Variants in NIPBL observed in about 807,000 individuals in gnomAD.
NIPBL encodes NIPBL cohesin loading factor, also known as nipped-B-like protein.
In NIPBL, 19 loss-of-function variants were observed where a neutral mutation model predicts 321.8. That is an observed-to-expected ratio of 0.06 (90% CI 0.04 to 0.09). The LOEUF (loss-of-function observed/expected upper bound fraction) is 0.09, where lower values mean the gene tolerates loss of function less well. Among genes scored for constraint, NIPBL ranks in the 10% least tolerant of loss-of-function variants. The pLI, the probability that NIPBL is intolerant of heterozygous loss-of-function variation, is 1.00. For synonymous variants in NIPBL, 1,106 were observed against 1,114.1 expected, an observed-to-expected ratio of 0.99 and a Z score of 0.14; for missense variants, 2,210 against 3,327.0, an observed-to-expected ratio of 0.66 and a Z score of 8.26.
chr5:36,984,061 CACACTTTTA>C (rs1357740487), intron 9 of NIPBL, among the ~76,000 whole-genome samples: 1 of 147,042 alleles, frequency 6.8e-6, no homozygotes, highest in African/African-American at 2.4e-5. Flanking sequence ...AAACTCCTTT[CACACTTTTA>C]ACACTTCAAA....
At chr5:36,974,821 A>T (rs1402031297) in intron 8 of NIPBL, among the ~76,000 whole-genome samples, 1 of 152,090 alleles carries the variant, frequency 6.6e-6, no homozygotes, top group Non-Finnish European at 1.5e-5. Context: ...TTCTGTCTGT[A>T]AAAAAACTTT....
At chr5:36,958,326 C>T (rs1271301691) in intron 4 of NIPBL, 95 bp downstream of exon 4, 12 of 1,214,108 alleles carry the variant, frequency 9.9e-6, no homozygotes, top group East Asian at 2.5e-5. Flanking sequence ...ATCAGGAATG[C>T]GATGTTTATG....
At chr5:37,044,522 G>A in intron 35 of NIPBL, 35 bp downstream of exon 35, 1 of 1,607,516 alleles carries the variant, frequency 6.2e-7, no homozygotes, top group African/African-American at 1.3e-5. Flanking sequence ...TTATTCATTA[G>A]TGTAAAGTTC....
chr5:36,894,547 G>A (rs1746589216), intron 1 of NIPBL, among the ~76,000 whole-genome samples: 1 of 151,894 alleles, frequency 6.6e-6, no homozygotes, highest in South Asian at 2.1e-4. Flanking sequence ...AACTTGTTTT[G>A]TATTTTCCTA....
At chr5:37,015,990 CAT>C (rs1409367036) in intron 22 of NIPBL, 46 bp from the exon 23 acceptor site, 13 of 1,600,242 alleles carry the variant, frequency 8.1e-6, no homozygotes, top group East Asian at 2.2e-5. Context: ...AGATGACTGA[CAT>C]GTGTCACCTA....
At chr5:36,980,677 A>G (rs1023246414) in intron 9 of NIPBL, among the ~76,000 whole-genome samples, 1 of 151,644 alleles carries the variant, frequency 6.6e-6, no homozygotes, top group Admixed American at 6.6e-5. Flanking sequence ...TATATCATCT[A>G]GGTTTATGTG....
intron 1 of NIPBL, among the ~76,000 whole-genome samples, chr5:36,952,069 CGCGCATGTGTGTGT>C (rs1041988121): frequency 8.2e-6 from 1 of 122,118 alleles, no homozygotes; most frequent in African/African-American, 3.1e-5. Flanking sequence ...CGCGCGCGCG[CGCGCATGTGTGTGT>C]GTAGCAGTTT....
chr5:36,927,397 A>G (rs1485867920), intron 1 of NIPBL, among the ~76,000 whole-genome samples: 1 of 152,206 alleles, frequency 6.6e-6, no homozygotes, highest in Non-Finnish European at 1.5e-5. Context: ...GAAGGATTTC[A>G]AAAAGAGTGA....
chr5:36,952,243 T>C (rs2149595850), intron 1 of NIPBL, among the ~76,000 whole-genome samples: 1 of 152,180 alleles, frequency 6.6e-6, no homozygotes, highest in Non-Finnish European at 1.5e-5. Context: ...AAATTATCAG[T>C]ATTATGTCAT....
intron 39 of NIPBL, 43 bp from the exon 40 acceptor site, chr5:37,049,067 AT>A: frequency 6.3e-7 from 1 of 1,586,654 alleles, no homozygotes; most frequent in South Asian, 1.1e-5. Flanking sequence ...TAAAGTTAGT[AT>A]AGGTGCTCTT....
rs1400205315 is a variant in NIPBL at position 37,023,958 on chromosome 5, G to A, written c.5575-627G>A. ...AGGCGGGTGAATCACCCAAGGTCAG[G>A]AGTTCAAGACCAGCCTGACAACATG... On this transcript the variant is annotated intron_variant, in intron 29 of 46. Transcript: ENST00000282516. Among the ~76,000 whole-genome samples the A allele has an allele frequency of 3.3e-5, 5 of 151,714 alleles. No individual in the cohort carries two copies. In the East Asian group the frequency reaches 9.7e-4, roughly 29 times the overall value.
chr5:36,931,033 G>C (rs1320590006), intron 1 of NIPBL, among the ~76,000 whole-genome samples: 4 of 152,154 alleles, frequency 2.6e-5, no homozygotes, highest in Non-Finnish European at 5.9e-5. Context: ...GGTGATACCA[G>C]ACTCAGCTGG....
At chr5:36,896,872 T>A (rs895700635) in intron 1 of NIPBL, among the ~76,000 whole-genome samples, 2 of 152,200 alleles carry the variant, frequency 1.3e-5, no homozygotes, top group Admixed American at 6.5e-5. Context: ...AGTGCTGGGA[T>A]TACAGGCTTG....
intron 27 of NIPBL, among the ~76,000 whole-genome samples, chr5:37,021,475 G>A (rs1381144171): frequency 6.6e-6 from 1 of 152,114 alleles, no homozygotes; most frequent in African/African-American, 2.4e-5. Flanking sequence ...GAGGTCAGGA[G>A]ATCAAGACCG....
At chr5:36,997,432 A>G (rs1746256186) in intron 11 of NIPBL, among the ~76,000 whole-genome samples, 1 of 152,180 alleles carries the variant, frequency 6.6e-6, no homozygotes, top group South Asian at 2.1e-4. Flanking sequence ...GTAGAGCCAC[A>G]CATCCCTCAT....
chr5:36,879,421 A>G (rs1407711668), intron 1 of NIPBL, among the ~76,000 whole-genome samples: 1 of 152,240 alleles, frequency 6.6e-6, no homozygotes, highest in Non-Finnish European at 1.5e-5. Context: ...TAGCATAAAC[A>G]TTTCTTTAAA....
At chr5:36,968,312 A>T (rs1297997211) in intron 6 of NIPBL, among the ~76,000 whole-genome samples, 4 of 151,942 alleles carry the variant, frequency 2.6e-5, no homozygotes, top group African/African-American at 9.6e-5. Flanking sequence ...CTGAATAAAA[A>T]TACATTAAGC....
Position 36,878,209 on chromosome 5 carries a change from T to C in NIPBL, c.-80+1031T>C, listed in dbSNP as rs528323000. On this transcript the variant is annotated intron_variant, in intron 1 of 46. Transcript: ENST00000282516. ...AATTGTAGAAGGTGCCATCCTTTTA[T>C]GTCAGGGCAGTTCTTCTTGAGGTCC... Among the ~76,000 whole-genome samples the C allele has an allele frequency of 9.8e-5, 15 of 152,350 alleles. 1 individual carries two copies. In the South Asian group the frequency reaches 2.9e-3, roughly 29 times the overall value.
intron 1 of NIPBL, among the ~76,000 whole-genome samples, chr5:36,949,635 T>C (rs970718883): frequency 6.6e-6 from 1 of 151,966 alleles, no homozygotes; most frequent in Admixed American, 6.6e-5. Flanking sequence ...ATTATTTCTT[T>C]AGGATATATT....
Sources: allele counts gnomAD v4.1 joint callset (sites outside exome capture counted in the v4.1 genomes callset), GRCh38; gene constraint gnomAD v4.1.1; transcripts MANE v1.5; gene names NCBI Gene and HGNC (gene_info 2026-07-23, HGNC 2026-07-21).